Variants in OR9Q1 observed in about 807,000 individuals in gnomAD.
OR9Q1 encodes the protein olfactory receptor 9Q1.
For synonymous variants in OR9Q1, 153 were observed against 148.6 expected (o/e 1.03, Z -0.22); for missense variants, 374 against 378.8 (o/e 0.99, Z 0.11).
chr11:58,025,602 C>G (rs79793383), intron 1 of OR9Q1, among the ~76,000 whole-genome samples: 1 of 152,156 alleles, frequency 6.6e-6, no homozygotes, highest in African/African-American at 2.4e-5. Context: ...TGCTCTGGAA[C>G]TCTCGCTCAG....
chr11:58,038,415 T>C (rs1418209970), intron 1 of OR9Q1, among the ~76,000 whole-genome samples: 2 of 152,218 alleles, frequency 1.3e-5, no homozygotes, highest in African/African-American at 4.8e-5. Flanking sequence ...ATATCTATTA[T>C]AGAGTGAAAC....
At chr11:58,037,325 T>C (rs969246626) in intron 1 of OR9Q1, among the ~76,000 whole-genome samples, 1 of 152,106 alleles carries the variant, frequency 6.6e-6, no homozygotes, top group East Asian at 1.9e-4. Flanking sequence ...ACTGGGAAAC[T>C]AAAAATTTGT....
At chr11:58,027,648 A>G (rs1392388699) in intron 1 of OR9Q1, among the ~76,000 whole-genome samples, 1 of 152,244 alleles carries the variant, frequency 6.6e-6, no homozygotes, top group East Asian at 1.9e-4. Context: ...TGTTGGCTCT[A>G]TGATGGGGAA....
intron 1 of OR9Q1, among the ~76,000 whole-genome samples, chr11:58,043,648 T>A (rs755688185): frequency 6.6e-6 from 1 of 152,252 alleles, no homozygotes; most frequent in South Asian, 2.1e-4. Context: ...ATATCCTTAT[T>A]ATGCTTCATT....
chr11:58,179,367 A>G, intron 2 of OR9Q1, 64 bp from the exon 3 acceptor site: 1 of 1,008,802 alleles, frequency 9.9e-7, no homozygotes, highest in Non-Finnish European at 1.5e-6. Flanking sequence ...ATAAATGTGA[A>G]CTACAAATAC....
intron 2 of OR9Q1, among the ~76,000 whole-genome samples, chr11:58,098,902 A>G (rs1208419389): frequency 6.6e-6 from 1 of 152,066 alleles, no homozygotes; most frequent in Admixed American, 6.6e-5. Flanking sequence ...TTATTTCACT[A>G]GTGTTGATTT....
intron 2 of OR9Q1, among the ~76,000 whole-genome samples, chr11:58,166,572 G>A (rs1284567814): frequency 6.6e-6 from 1 of 152,124 alleles, no homozygotes; most frequent in Non-Finnish European, 1.5e-5. Flanking sequence ...TGTTGCAATA[G>A]ACATCTTTGA....
At chr11:58,080,793 T>G (rs1294123318) in intron 2 of OR9Q1, among the ~76,000 whole-genome samples, 1 of 152,182 alleles carries the variant, frequency 6.6e-6, no homozygotes, top group Non-Finnish European at 1.5e-5. Context: ...TGTGTCCATC[T>G]GAGAAATGTC....
intron 2 of OR9Q1, among the ~76,000 whole-genome samples, chr11:58,140,821 A>G (rs1854240669): frequency 6.6e-6 from 1 of 152,208 alleles, no homozygotes; most frequent in Admixed American, 6.5e-5. Context: ...CAATTCAGTG[A>G]AGAAAGTCAT....
intron 2 of OR9Q1, chr11:58,119,466 T>C: frequency 7.2e-7 from 1 of 1,389,270 alleles, no homozygotes; most frequent in South Asian, 1.3e-5. Flanking sequence ...GGACTGTTGG[T>C]CTGAGGATGA....
chr11:58,038,247 G>T (rs1034650835), intron 1 of OR9Q1, among the ~76,000 whole-genome samples: 1 of 152,132 alleles, frequency 6.6e-6, no homozygotes, highest in Non-Finnish European at 1.5e-5. Flanking sequence ...ACAAGAATTT[G>T]AGGTGCATGA....
chr11:58,048,679 A>AAAAAATATATATATATATAT (rs745596668), intron 1 of OR9Q1, among the ~76,000 whole-genome samples: 3 of 131,396 alleles, frequency 2.3e-5, no homozygotes, highest in African/African-American at 8.4e-5. Flanking sequence ...TAAAAAAAAA[A>AAAAAATATATATATATATAT]ATATATATAT....
chr11:58,141,806 T>C (rs997929509), intron 2 of OR9Q1, among the ~76,000 whole-genome samples: 16 of 152,188 alleles, frequency 1.1e-4, no homozygotes, highest in African/African-American at 3.9e-4. Context: ...AGCCACTATA[T>C]ATATTTGTGG....
chr11:58,176,001 C>T (rs937356932), intron 2 of OR9Q1, among the ~76,000 whole-genome samples: 3 of 151,696 alleles, frequency 2.0e-5, no homozygotes, highest in African/African-American at 7.3e-5. Flanking sequence ...TGTTCATTTG[C>T]ATTTAAAGAA....
rs554392577 is a variant in OR9Q1 at position 58,037,689 on chromosome 11, ATTTTTT to A, written c.-93+13627_-93+13632del. On this transcript the variant is annotated intron_variant, in intron 1 of 2. Coordinates refer to ENST00000335397, the MANE Select transcript of OR9Q1 (RefSeq NM_001005212.4). ...TATATATATATATATATATATATAT[ATTTTTT>A]TTTTTTTTTTTTTTTTTTTTTTTTT... Among the ~76,000 whole-genome samples the A allele has an allele frequency of 8.6e-4, 6 of 6,994 alleles. 1 individual carries two copies. Among genetic ancestry groups the A allele is most frequent in the Non-Finnish European group, 1.1e-3 (4 of 3,788 alleles). 4.6% of individuals were successfully genotyped at this position (6,994 alleles called of 152,430 possible). A position where few individuals can be genotyped will look rare whatever the true frequency, so the allele number is the denominator to read the frequency against.
chr11:58,101,185 C>A (rs1422939483), intron 2 of OR9Q1, among the ~76,000 whole-genome samples: 2 of 151,848 alleles, frequency 1.3e-5, no homozygotes. Context: ...AAGAAAGAGT[C>A]TTGTTCTGTT....
chr11:58,054,513 C>T (rs1853308033), intron 1 of OR9Q1, among the ~76,000 whole-genome samples: 1 of 152,184 alleles, frequency 6.6e-6, no homozygotes, highest in South Asian at 2.1e-4. Context: ...ATATAAACAT[C>T]TTGAGGCAAG....
intron 1 of OR9Q1, among the ~76,000 whole-genome samples, chr11:58,024,569 G>T (rs1284084533): frequency 6.6e-6 from 1 of 152,098 alleles, no homozygotes; most frequent in African/African-American, 2.4e-5. Context: ...TTCCATATTT[G>T]TTAGGGAAAA....
intron 2 of OR9Q1, among the ~76,000 whole-genome samples, chr11:58,075,698 T>C (rs1213783440): frequency 6.6e-6 from 1 of 152,170 alleles, no homozygotes. Flanking sequence ...TTCCTAGACT[T>C]CAGAACTATT....
Sources: allele counts gnomAD v4.1 joint callset (sites outside exome capture counted in the v4.1 genomes callset), GRCh38; gene constraint gnomAD v4.1.1; transcripts MANE v1.5; gene names NCBI Gene and HGNC (gene_info 2026-07-23, HGNC 2026-07-21).